Variants in DPY19L1 observed in about 807,000 individuals in gnomAD.
DPY19L1 encodes protein C-mannosyl-transferase DPY19L1.
Under a neutral mutation model 96.9 loss-of-function variants are expected in DPY19L1, and 35 were observed. That is an observed-to-expected ratio of 0.36 (90% CI 0.28 to 0.48). The LOEUF is 0.48. Ranked by LOEUF, DPY19L1 falls within the 20% of genes least tolerant of loss-of-function variation. The pLI is 0.99. For synonymous variants in DPY19L1, 205 were observed against 252.6 expected, an observed-to-expected ratio of 0.81 and a Z score of 1.79; for missense variants, 521 against 777.9, an observed-to-expected ratio of 0.67 and a Z score of 3.93.
chr7:34,936,631 A>G (rs1303958987), intron 21 of DPY19L1, among the ~76,000 whole-genome samples: 1 of 152,236 alleles, frequency 6.6e-6, no homozygotes, highest in African/African-American at 2.4e-5. Context: ...TTATATAACA[A>G]TGTTAAAGGT....
intron 7 of DPY19L1, 111 bp from the exon 8 acceptor site, chr7:34,973,716 T>A: frequency 1.9e-6 from 1 of 539,942 alleles, no homozygotes; most frequent in Non-Finnish European, 2.9e-6. Context: ...TTAAACGGTG[T>A]GTTGTAAAAC....
intron 3 of DPY19L1, among the ~76,000 whole-genome samples, chr7:35,014,137 C>G (rs780758250): frequency 6.6e-6 from 1 of 152,164 alleles, no homozygotes; most frequent in Non-Finnish European, 1.5e-5. Context: ...ATGACACTAT[C>G]AGTCATTTTT....
At chr7:34,994,927 G>A (rs1785250637) in intron 6 of DPY19L1, among the ~76,000 whole-genome samples, 1 of 152,088 alleles carries the variant, frequency 6.6e-6, no homozygotes, top group Non-Finnish European at 1.5e-5. Flanking sequence ...TTTCCTGAGG[G>A]CAGAGCCACG....
intron 6 of DPY19L1, among the ~76,000 whole-genome samples, chr7:34,997,709 T>C (rs1303612805): frequency 6.6e-6 from 1 of 151,856 alleles, no homozygotes; most frequent in Non-Finnish European, 1.5e-5. Context: ...CCAGCCTGTA[T>C]AAGCAGCAAA....
Position 34,931,316 on chromosome 7 carries a change from C to CA in DPY19L1, c.*256dup, listed in dbSNP as rs1447526348. 3 of 303,540 alleles carry CA rather than the reference C, an allele frequency of 9.9e-6. No individual in the cohort carries two copies. Among genetic ancestry groups the CA allele is most frequent in the African/African-American group, 6.5e-5 (3 of 45,966 alleles). 18.8% of individuals were successfully genotyped at this position (303,540 alleles called of 1,614,324 possible). On this transcript the variant is annotated 3_prime_UTR_variant, in exon 22 of 22. Transcript: ENST00000638088. ...ATACAGGTAGCTTTGCTCACTTTAGCACAAATATTAAAGTCAAGTACAAGC... is the reference window on the plus strand; with the variant it reads ...ATACAGGTAGCTTTGCTCACTTTAGCAACAAATATTAAAGTCAAGTACAAGC...
In DPY19L1 at chr7:34,952,784, C is replaced by G. The variant is rs143451802; in HGVS notation, c.1320+1914G>C. Among the ~76,000 whole-genome samples the G allele has an allele frequency of 2.1e-3, 327 of 152,138 alleles. 2 individuals carry two copies. Among genetic ancestry groups the G allele is most frequent in the African/African-American group, 7.4e-3 (306 of 41,508 alleles). On this transcript the variant is annotated intron_variant, in intron 13 of 21. Coordinates refer to ENST00000638088, the MANE Select transcript of DPY19L1 (RefSeq NM_001366673.1). ...CGGCAGAGTGAAGAAACTGGTAACT[C>G]CCATTCTCCAAAACCACTTTAAAAT...
At chr7:34,997,436 CAAA>C (rs397836742) in intron 6 of DPY19L1, among the ~76,000 whole-genome samples, 20,612 of 92,100 alleles carry the variant, frequency 0.22, 1,892 homozygotes, top group Admixed American at 0.37. Flanking sequence ...ACTAAAAATA[CAAA>C]AAAAAAAAAA....
At chr7:34,977,827 G>A (rs890134796) in intron 7 of DPY19L1, among the ~76,000 whole-genome samples, 2 of 151,908 alleles carry the variant, frequency 1.3e-5, no homozygotes, top group Admixed American at 6.6e-5. Flanking sequence ...TCAAAAAAGG[G>A]TTATACAAAT....
At chr7:34,996,666 T>C (rs1174776660) in intron 6 of DPY19L1, among the ~76,000 whole-genome samples, 1 of 152,040 alleles carries the variant, frequency 6.6e-6, no homozygotes, top group East Asian at 1.9e-4. Flanking sequence ...TAACAATGAA[T>C]GGACCCAATC....
At chr7:34,995,915 G>T (rs1785272302) in intron 6 of DPY19L1, among the ~76,000 whole-genome samples, 1 of 138,906 alleles carries the variant, frequency 7.2e-6, no homozygotes, top group South Asian at 2.5e-4. Context: ...CATGGCGGCG[G>T]TGGGGGGGGC....
At chr7:34,966,415 A>G (rs1341175851) in intron 10 of DPY19L1, among the ~76,000 whole-genome samples, 2 of 152,004 alleles carry the variant, frequency 1.3e-5, no homozygotes, top group African/African-American at 4.8e-5. Flanking sequence ...CTCCCACATC[A>G]ACTTCCTAAG....
chr7:34,954,876 T>C (rs1235328803), intron 12 of DPY19L1, 98 bp from the exon 13 acceptor site: 1 of 540,258 alleles, frequency 1.9e-6, no homozygotes, highest in Non-Finnish European at 3.3e-6. Context: ...ATGAAATACA[T>C]ATTACTATCT....
chr7:35,000,262 CAGTATA>C (rs2128675181), intron 6 of DPY19L1: 1 of 152,148 alleles, frequency 6.6e-6, no homozygotes, highest in African/African-American at 2.4e-5. Flanking sequence ...AGAAATAATA[CAGTATA>C]TTTTAACCTT....
chr7:35,028,789 A>G (rs1403063283), intron 1 of DPY19L1, among the ~76,000 whole-genome samples: 1 of 152,180 alleles, frequency 6.6e-6, no homozygotes, highest in Admixed American at 6.5e-5. Flanking sequence ...TGGATTATTC[A>G]TGAGTTTTCT....
chr7:35,006,189 G>A (rs964271236), intron 6 of DPY19L1, among the ~76,000 whole-genome samples: 1 of 152,144 alleles, frequency 6.6e-6, no homozygotes, highest in African/African-American at 2.4e-5. Flanking sequence ...ATAGACATAT[G>A]TATTTTTCCA....
intron 15 of DPY19L1, among the ~76,000 whole-genome samples, chr7:34,946,199 C>T (rs1348516581): frequency 6.6e-6 from 1 of 152,184 alleles, no homozygotes; most frequent in Non-Finnish European, 1.5e-5. Flanking sequence ...ATGAGGAGGT[C>T]ATCTAATCTA....
chr7:35,005,180 G>T (rs1339561017), intron 6 of DPY19L1, among the ~76,000 whole-genome samples: 1 of 151,894 alleles, frequency 6.6e-6, no homozygotes, highest in Non-Finnish European at 1.5e-5. Context: ...CAGTTTTAAG[G>T]AGAGTAGTAG....
chr7:35,026,563 T>C (rs1786124756), intron 1 of DPY19L1, among the ~76,000 whole-genome samples: 1 of 152,164 alleles, frequency 6.6e-6, no homozygotes, highest in African/African-American at 2.4e-5. Flanking sequence ...TAACACATCC[T>C]TGGGTGACTT....
intron 9 of DPY19L1, 23 bp from the exon 10 acceptor site, chr7:34,966,994 A>C (rs1333610510): frequency 6.7e-7 from 1 of 1,485,572 alleles, no homozygotes; most frequent in Non-Finnish European, 9.0e-7. Flanking sequence ...AAGAAATTAG[A>C]AGTAAAAAAG....
Sources: allele counts gnomAD v4.1 joint callset (sites outside exome capture counted in the v4.1 genomes callset), GRCh38; gene constraint gnomAD v4.1.1; transcripts MANE v1.5; gene names NCBI Gene and HGNC (gene_info 2026-07-23, HGNC 2026-07-21).